The following PLEKHA8 variants were observed in gnomAD, a reference collection of about 807,000 sequenced individuals.
The protein encoded by PLEKHA8 is pleckstrin homology domain containing A8.
A neutral mutation model predicts 68.2 loss-of-function variants in PLEKHA8; 36 were observed. The ratio of observed to expected loss-of-function variants is 0.53; its 90% CI spans 0.40 to 0.70. The LOEUF is 0.70. Among genes scored for constraint, PLEKHA8 ranks in the 30% least tolerant of loss-of-function variants. The pLI, the probability that PLEKHA8 is intolerant of heterozygous loss-of-function variation, is 0.00. For missense variants in PLEKHA8, 505 were observed against 615.4 expected (o/e 0.82, Z 1.90); for synonymous variants, 211 against 216.1 (o/e 0.98, Z 0.20).
At chr7:30,116,405 G>A (rs1313185286) in intron 13 of PLEKHA8, among the ~76,000 whole-genome samples, 4 of 151,864 alleles carry the variant, frequency 2.6e-5, no homozygotes, top group Non-Finnish European at 5.9e-5. Context: ...ACCTAATAGT[G>A]TATTGTATTT....
At chr7:30,127,069 C>G (rs1796784385) in intron 13 of PLEKHA8, among the ~76,000 whole-genome samples, 1 of 152,172 alleles carries the variant, frequency 6.6e-6, no homozygotes, top group East Asian at 1.9e-4. Context: ...TGTAAAAGCT[C>G]AATAAGAATA....
intron 7 of PLEKHA8, among the ~76,000 whole-genome samples, chr7:30,053,267 A>G (rs17158611): frequency 0.012 from 1,829 of 152,262 alleles, 28 homozygotes; most frequent in East Asian, 0.039. Context: ...ACCAGTCACC[A>G]TGAGGTTTCT....
chr7:30,124,438 C>T (rs931712694), intron 13 of PLEKHA8, among the ~76,000 whole-genome samples: 19 of 152,124 alleles, frequency 1.2e-4, no homozygotes, highest in Admixed American at 5.2e-4. Context: ...TAAAAAAGAG[C>T]AAAATGTAGG....
chr7:30,059,178 T>C (rs62446687), intron 9 of PLEKHA8, among the ~76,000 whole-genome samples: 22,019 of 152,270 alleles, frequency 0.14, 1,628 homozygotes, highest in Middle Eastern at 0.19. Flanking sequence ...TTTACTTAAG[T>C]CATTTTAATT....
At position 30,061,916 on chromosome 7, in the gene PLEKHA8, T is replaced by C. The variant is rs1322339449; in HGVS notation, c.1118T>C (p.Ile373Thr). 6.2e-7 allele frequency: 1 copy of C among 1,613,950 alleles called. No individual in the cohort carries two copies. The highest frequency in any genetic ancestry group is 1.3e-5 in the African/African-American group (1 of 74,926). ...CTCCAGAAAGTAAATCAGAAGTATA[T>C]AACCAACAAAGAAGAGTTTACCACT... The part of the protein sequence containing the change: ...GNIKKVNQKY[I>T]TNKEEFTTLQ... The change falls in exon 11 of 14, where the codon ATA becomes ACA. Residue 373 changes from isoleucine (I) to threonine (T), a missense_variant. Transcript: ENST00000449726.
intron 13 of PLEKHA8, among the ~76,000 whole-genome samples, chr7:30,128,103 T>G (rs1184553573): frequency 6.6e-6 from 1 of 151,438 alleles, no homozygotes; most frequent in African/African-American, 2.4e-5. Context: ...TTTTTTTTTT[T>G]TTTTTTTTAC....
At chr7:30,124,892 T>G (rs528315354) in intron 13 of PLEKHA8, among the ~76,000 whole-genome samples, 145 of 152,206 alleles carry the variant, frequency 9.5e-4, no homozygotes, top group African/African-American at 3.3e-3. Flanking sequence ...ATAAGTTTTT[T>G]TTTTAAATTT....
intron 13 of PLEKHA8, among the ~76,000 whole-genome samples, chr7:30,122,849 A>C (rs1256372922): frequency 6.6e-6 from 1 of 152,214 alleles, no homozygotes; most frequent in Non-Finnish European, 1.5e-5. Flanking sequence ...AAAGGATGGA[A>C]AATGATCTGG....
At chr7:30,042,293 AC>A (rs375223868) in intron 1 of PLEKHA8, among the ~76,000 whole-genome samples, 293 of 152,310 alleles carry the variant, frequency 1.9e-3, no homozygotes, top group African/African-American at 6.7e-3. Context: ...CATTACATGC[AC>A]ACATACCCAC....
chr7:30,030,823 C>T (rs561634625), intron 1 of PLEKHA8, among the ~76,000 whole-genome samples: 1 of 152,222 alleles, frequency 6.6e-6, no homozygotes, highest in African/African-American at 2.4e-5. Context: ...CACTTTTCTA[C>T]TTGTTCTTCG....
Position 30,036,523 on chromosome 7 carries a change from G to C in PLEKHA8, c.40+7721G>C, listed in dbSNP as rs144499045. 2.2e-4 allele frequency among the ~76,000 whole-genome samples: 33 copies of C among 152,234 alleles called. No homozygotes were observed. In the East Asian group the frequency reaches 5.0e-3, roughly 23 times the overall value. On this transcript the variant is annotated intron_variant, in intron 1 of 13. Coordinates refer to ENST00000449726, the MANE Select transcript of PLEKHA8 (RefSeq NM_001197026.2). ...TAGTGTCCTTAAGATGACATACCTG[G>C]ATGTTATGAGTCTGAACTTAAACCA... is the stretch of plus-strand genomic sequence containing the variant.
At chr7:30,069,261 A>C (rs920586149) in intron 12 of PLEKHA8, among the ~76,000 whole-genome samples, 7 of 152,224 alleles carry the variant, frequency 4.6e-5, no homozygotes, top group Non-Finnish European at 7.3e-5. Flanking sequence ...TTCTTGCCTC[A>C]GAACTGTCTA....
At chr7:30,062,855 T>C (rs1186170100) in intron 12 of PLEKHA8, 113 bp downstream of exon 12, 1 of 758,346 alleles carries the variant, frequency 1.3e-6, no homozygotes, top group Non-Finnish European at 2.1e-6. Context: ...TGATTTTGTT[T>C]CTTTTCTTAT....
In PLEKHA8 at chr7:30,080,157, T is replaced by G; in HGVS notation, c.*1370T>G. 1.0e-6 allele frequency: 1 copy of G among 985,330 alleles called. No homozygotes were observed. The highest frequency in any genetic ancestry group is 1.2e-6 in the Non-Finnish European group (1 of 829,862). The allele number at this position is 985,330 out of a possible 1,614,324, so 61.0% of individuals were successfully genotyped here. ...AAAAGCTTTGGGACAGTGTCATAGT[T>G]GAAAGATGAGACTTAAGAAAACAGT... On this transcript the variant is annotated 3_prime_UTR_variant, in exon 14 of 14. Transcript: ENST00000449726.
intron 6 of PLEKHA8, 106 bp from the exon 7 acceptor site, chr7:30,052,603 G>C (rs1458495243): frequency 1.1e-5 from 11 of 959,528 alleles, no homozygotes; most frequent in Non-Finnish European, 1.6e-5. Context: ...TTGTGCCACT[G>C]TACTGCAGCC....
rs1247486985 is a variant in PLEKHA8 at position 30,082,586 on chromosome 7, T to C, written c.*3799T>C. 1.0e-6 allele frequency: 1 copy of C among 985,168 alleles called. No homozygotes were observed. The highest frequency in any genetic ancestry group is 1.2e-6 in the Non-Finnish European group (1 of 829,808). The allele number at this position is 985,168 out of a possible 1,614,324, so 61.0% of individuals were successfully genotyped here. A position where few individuals can be genotyped will look rare whatever the true frequency, so the allele number is the denominator to read the frequency against. On this transcript the variant is annotated 3_prime_UTR_variant, in exon 14 of 14. Coordinates refer to ENST00000449726, the MANE Select transcript of PLEKHA8 (RefSeq NM_001197026.2). ...GAAAAAAATTTGCACTCTTCTCCTTTTGGTTATTACTTTCCAAATATATTA... is the reference window on the plus strand; with the variant it reads ...GAAAAAAATTTGCACTCTTCTCCTTCTGGTTATTACTTTCCAAATATATTA...
At chr7:30,089,749 G>A (rs565971807) in intron 12 of PLEKHA8, among the ~76,000 whole-genome samples, 1 of 152,138 alleles carries the variant, frequency 6.6e-6, no homozygotes, top group African/African-American at 2.4e-5. Context: ...CAGGTGTGTT[G>A]TGCTCTCAGA....
chr7:30,082,782 A>G lies in PLEKHA8; in HGVS notation c.*3995A>G, dbSNP rs994236290. 2.0e-6 allele frequency: 2 copies of G among 985,264 alleles called. No homozygotes were observed. Among genetic ancestry groups the G allele is most frequent in the African/African-American group, 3.5e-5 (2 of 57,232 alleles). The allele number at this position is 985,264 out of a possible 1,614,324, so 61.0% of individuals were successfully genotyped here. ...TAAGGAAACTTAATCTGATTGTGAAAATCATACATATGGAGAAACATCAGA... is the reference window on the plus strand; with the variant it reads ...TAAGGAAACTTAATCTGATTGTGAAGATCATACATATGGAGAAACATCAGA... On this transcript the variant is annotated 3_prime_UTR_variant, in exon 14 of 14. Coordinates refer to ENST00000449726, the MANE Select transcript of PLEKHA8 (RefSeq NM_001197026.2).
At chr7:30,049,673 G>C (rs897172986) in intron 5 of PLEKHA8, among the ~76,000 whole-genome samples, 2 of 152,152 alleles carry the variant, frequency 1.3e-5, no homozygotes, top group Non-Finnish European at 2.9e-5. Context: ...CTTTCAGCCT[G>C]ACCCTTCCAG....
Sources: gnomAD v4.1 joint callset for allele counts (sites outside exome capture counted in the v4.1 genomes callset) on GRCh38, gnomAD v4.1.1 for gene constraint, MANE v1.5 for transcripts, NCBI Gene and HGNC (gene_info 2026-07-23, HGNC 2026-07-21) for gene names.